Variants in ZDHHC24 observed in about 807,000 individuals in gnomAD.
The protein encoded by ZDHHC24 is probable palmitoyltransferase ZDHHC24.
A neutral mutation model predicts 23.2 loss-of-function variants in ZDHHC24; 17 were observed. The ratio of observed to expected loss-of-function variants is 0.73; its 90% CI spans 0.50 to 1.10. The LOEUF is 1.10. Among genes scored for constraint, ZDHHC24 ranks in the 50% least tolerant of loss-of-function variants. The probability of loss-of-function intolerance (pLI) is 0.00; values close to 1 mark genes in which losing one functional copy is unlikely to be tolerated. For missense variants in ZDHHC24, 366 were observed against 393.0 expected (o/e 0.93, Z 0.58); for synonymous variants, 186 against 194.5 (o/e 0.96, Z 0.36).
At chr11:66,532,015 G>C (rs1355940112), downstream of ZDHHC24, 1 of 1,607,348 alleles carries the variant, frequency 6.2e-7, no homozygotes, top group Non-Finnish European at 8.5e-7. Flanking sequence ...ATGCCTGGGA[G>C]CGAGGGGCTG....
chr11:66,532,354 G>T, downstream of ZDHHC24: 1 of 410,986 alleles, frequency 2.4e-6, no homozygotes. Flanking sequence ...AAAGTGAGCT[G>T]AGCAGGACAG....
intron 2 of ZDHHC24, among the ~76,000 whole-genome samples, chr11:66,541,926 G>A (rs1590794992): frequency 6.6e-6 from 1 of 152,086 alleles, no homozygotes; most frequent in East Asian, 1.9e-4. Flanking sequence ...AAGCGCTGGA[G>A]GAGGATATGA....
Position 66,521,288 on chromosome 11 carries a change from C to A in ZDHHC24, c.*200G>T, listed in dbSNP as rs544315396. 12 of 1,614,054 alleles carry A rather than the reference C, an allele frequency of 7.4e-6. No individual in the cohort carries two copies. Among genetic ancestry groups the A allele is most frequent in the Non-Finnish European group, 1.0e-5 (12 of 1,180,018 alleles). ...TTTGCAGATGAGCCTTCCCAGCGTC[C>A]CCGTCTTCCTAGAGGTTTCTGGCCA... On this transcript the variant is annotated 3_prime_UTR_variant, in exon 5 of 5. Coordinates refer to the ZDHHC24 transcript ENST00000526986.
chr11:66,545,894 A>G lies in ZDHHC24; in HGVS notation c.110T>C (p.Leu37Pro), dbSNP rs1489988699. 6.5e-7 allele frequency: 1 copy of G among 1,542,692 alleles called. No homozygotes were observed. Among genetic ancestry groups the G allele is most frequent in the African/African-American group, 1.4e-5 (1 of 72,780 alleles). ...CGGCGGCGGCCCGGGACCGAGCACC[A>G]GCACGTAAGCCAGCTCCAGGCCCAC... is the stretch of plus-strand genomic sequence containing the variant. ...AAVGLELAYV[L>P]VLGPGPPPLG... The change falls in exon 1 of 3, where the codon CTG becomes CCG. Residue 37 changes from leucine to proline, a missense_variant. Transcript: ENST00000310442. This position sits in a 1 kb window ranked among gnomAD's most constrained non-coding sequence, Gnocchi z 4.5.
At position 66,538,022 on chromosome 11, in the gene ZDHHC24, G is replaced by A. The variant is rs1019909799; in HGVS notation, c.*1507C>T. ...CTGTAATCCTAGCACTTTGGGAGAC[G>A]GAGGTGGAGGCAGGTGCCAGGAATT... On this transcript the variant is annotated 3_prime_UTR_variant, in exon 3 of 3. Transcript: ENST00000310442. 1.3e-5 allele frequency: 2 copies of A among 152,186 alleles called. No homozygotes were observed. Among genetic ancestry groups the A allele is most frequent in the African/African-American group, 4.8e-5 (2 of 41,452 alleles). The allele number at this position is 152,186 out of a possible 1,614,324, so 9.4% of individuals were successfully genotyped here.
chr11:66,523,223 G>A (rs1463482706), intron 4 of ZDHHC24: 2 of 653,390 alleles, frequency 3.1e-6, no homozygotes, highest in South Asian at 1.5e-5. Flanking sequence ...AGACACCATA[G>A]TGAAGGTGGG....
chr11:66,535,544 C>T (rs1590788061), downstream of ZDHHC24, among the ~76,000 whole-genome samples: 1 of 151,992 alleles, frequency 6.6e-6, no homozygotes, highest in Admixed American at 6.6e-5. Context: ...TGCCCAGGCT[C>T]ACAGTCTATT....
chr11:66,545,974 C>T lies in ZDHHC24; in HGVS notation c.30G>A (p.Thr10=). The T allele has an allele frequency of 7.0e-7, 1 of 1,421,424 alleles. No homozygotes were observed. Among genetic ancestry groups the T allele is most frequent in the Non-Finnish European group, 9.1e-7 (1 of 1,102,070 alleles). 88.1% of individuals were successfully genotyped at this position (1,421,424 alleles called of 1,614,324 possible). The change falls in exon 1 of 3, where the codon ACG becomes ACA. Residue 10 remains threonine (T), a synonymous_variant. Coordinates refer to ENST00000310442, the MANE Select transcript of ZDHHC24 (RefSeq NM_207340.3). This position sits in a 1 kb window ranked among gnomAD's most constrained non-coding sequence, Gnocchi z 4.5. MGQPWAAGS[T]DGAPAQLPLV... is the part of the protein sequence containing the mutation. Reference sequence around the variant, plus strand: ...GAGGCAGCTGCGCGGGCGCCCCGTCCGTGCTCCCAGCCGCCCAGGGCTGCC... The same window carrying T: ...GAGGCAGCTGCGCGGGCGCCCCGTCTGTGCTCCCAGCCGCCCAGGGCTGCC...
rs116907976 is a variant in ZDHHC24 at position 66,542,570 on chromosome 11, T to G, written c.559+1134A>C. On this transcript the variant is annotated intron_variant, in intron 2 of 2. Transcript: ENST00000310442. Reference sequence around the variant, plus strand: ...GAGGAAGATGGGTGGTTTGTGAGGGTGACTCATTTTTGGATTCTGACCAGG... The same window carrying G: ...GAGGAAGATGGGTGGTTTGTGAGGGGGACTCATTTTTGGATTCTGACCAGG... 1,225 of 152,576 alleles carry G rather than the reference T, an allele frequency of 8.0e-3. 23 individuals carry two copies. In the East Asian group the frequency reaches 0.098, roughly 12 times the overall value. The allele number at this position is 152,576 out of a possible 1,614,324, so 9.5% of individuals were successfully genotyped here.
intron 3 of ZDHHC24, chr11:66,527,668 C>CAAAAAA (rs58165767): frequency 3.5e-5 from 2 of 57,958 alleles, no homozygotes; most frequent in East Asian, 5.6e-4. Context: ...GACTCCGTCT[C>CAAAAAA]AAAAAAAAAA....
intron 2 of ZDHHC24, among the ~76,000 whole-genome samples, chr11:66,541,389 G>C (rs952716684): frequency 5.4e-5 from 8 of 147,576 alleles, no homozygotes; most frequent in African/African-American, 2.0e-4. Context: ...GGCAACAAGA[G>C]CAAAACTCCA....
At chr11:66,535,433 A>T, downstream of ZDHHC24, among the ~76,000 whole-genome samples, 1 of 140,568 alleles carries the variant, frequency 7.1e-6, no homozygotes, top group Admixed American at 7.2e-5. Flanking sequence ...CTCAAACGCC[A>T]GGCCTCAAGT....
intron 2 of ZDHHC24, chr11:66,529,609 AAG>A (rs2134829017): frequency 1.4e-6 from 1 of 697,934 alleles, no homozygotes; most frequent in Non-Finnish European, 2.5e-6. Flanking sequence ...GGGAGGTGGT[AAG>A]AGAGTGAGAA....
chr11:66,546,016 C>T lies in ZDHHC24; in HGVS notation c.-13G>A, dbSNP rs1857318680. 2.9e-6 allele frequency: 4 copies of T among 1,383,702 alleles called. No individual in the cohort carries two copies. The highest frequency in any genetic ancestry group is 3.7e-6 in the Non-Finnish European group (4 of 1,078,326). The allele number at this position is 1,383,702 out of a possible 1,614,324, so 85.7% of individuals were successfully genotyped here. A position where few individuals can be genotyped will look rare whatever the true frequency, so the allele number is the denominator to read the frequency against. On this transcript the variant is annotated 5_prime_UTR_variant, in exon 1 of 3. Transcript: ENST00000310442. ...AGGGCTGCCCCATGGCCTGGACACCCAGCTGTCGGAGCCGGAGGACTAGGC... is the reference window on the plus strand; with the variant it reads ...AGGGCTGCCCCATGGCCTGGACACCTAGCTGTCGGAGCCGGAGGACTAGGC...
In ZDHHC24 at chr11:66,545,774, G is replaced by T. The variant is rs778440368; in HGVS notation, c.230C>A (p.Pro77His). The T allele has an allele frequency of 6.3e-7, 1 of 1,589,640 alleles. No individual in the cohort carries two copies. The highest frequency in any genetic ancestry group is 8.5e-7 in the Non-Finnish European group (1 of 1,173,466). Reference protein sequence around the residue: ...GNVGLFLRSDPSIRGVMLAGR... With the variant: ...GNVGLFLRSDHSIRGVMLAGR... ...GGCCAGCATCACGCCACGGATGCTGGGATCCGAGCGCAGGAAGAGCCCCAC... is the reference window on the plus strand; with the variant it reads ...GGCCAGCATCACGCCACGGATGCTGTGATCCGAGCGCAGGAAGAGCCCCAC... The change falls in exon 1 of 3, where the codon CCC (proline) becomes CAC (histidine). Residue 77 changes from proline to histidine, a missense_variant. Pro to His is a moderately conservative substitution (Grantham distance 77). Transcript: ENST00000310442. This position sits in a 1 kb window ranked among gnomAD's most constrained non-coding sequence, Gnocchi z 4.5.
At position 66,539,484 on chromosome 11, in the gene ZDHHC24, C is replaced by T. The variant is rs1254771255; in HGVS notation, c.*45G>A. 1 of 1,487,240 alleles carries T rather than the reference C, an allele frequency of 6.7e-7. No homozygotes were observed. Among genetic ancestry groups the T allele is most frequent in the Non-Finnish European group, 8.9e-7 (1 of 1,120,546 alleles). The allele number at this position is 1,487,240 out of a possible 1,614,324, so 92.1% of individuals were successfully genotyped here. On this transcript the variant is annotated 3_prime_UTR_variant, in exon 3 of 3. Coordinates refer to ENST00000310442, the MANE Select transcript of ZDHHC24 (RefSeq NM_207340.3). Reference sequence around the variant, plus strand: ...TTACTGAGTCTAGGTGTGGGGGCCCCCCTCTCACCCCTTCCTCCCTGCACA... The same window carrying T: ...TTACTGAGTCTAGGTGTGGGGGCCCTCCTCTCACCCCTTCCTCCCTGCACA...
intron 4 of ZDHHC24, chr11:66,524,300 G>A (rs1023968597): frequency 2.6e-4 from 86 of 333,352 alleles, no homozygotes; most frequent in Admixed American, 3.4e-4. Context: ...AAAATGTGTT[G>A]AGCACCTCAT....
At chr11:66,544,953 A>T (rs1857265415) in intron 1 of ZDHHC24, among the ~76,000 whole-genome samples, 1 of 152,230 alleles carries the variant, frequency 6.6e-6, no homozygotes. Flanking sequence ...TTATCAGTAC[A>T]GCTTGGAATA....
chr11:66,539,623 GCCCAGCGGGGC>G lies in ZDHHC24; in HGVS notation c.750_760del (p.Trp253LeufsTer89). On this transcript the variant is annotated frameshift_variant, in exon 3 of 3. Coordinates refer to ENST00000310442, the MANE Select transcript of ZDHHC24 (RefSeq NM_207340.3). LOFTEE classifies it high-confidence loss of function. ...CAGGAAGGGCCAGAGCCAGACGAGG[GCCCAGCGGGGC>G]CCCAGGGCTGCCTGCAGGTTGTGGC... 6.2e-7 allele frequency: 1 copy of G among 1,612,770 alleles called. No individual in the cohort carries two copies. Among genetic ancestry groups the G allele is most frequent in the Non-Finnish European group, 8.5e-7 (1 of 1,179,650 alleles).
Sources: allele counts gnomAD v4.1 joint callset (sites outside exome capture counted in the v4.1 genomes callset), GRCh38; gene constraint gnomAD v4.1.1; non-coding constraint Gnocchi (gnomAD v3.1); transcripts MANE v1.5; gene names NCBI Gene and HGNC (gene_info 2026-07-23, HGNC 2026-07-21).